LTBP1: variants seen among roughly 807,000 people sequenced by gnomAD.
LTBP1 encodes the protein latent-transforming growth factor beta-binding protein 1.
LTBP1 carries 129 observed loss-of-function variants against 207.6 expected under a neutral mutation model. The observed-to-expected ratio is 0.62, with a 90% CI of 0.54 to 0.72. The LOEUF (loss-of-function observed/expected upper bound fraction) is 0.72. LTBP1 is among the 30% of genes least tolerant of loss of function. LTBP1 has a pLI of 0.00. For synonymous variants in LTBP1, 963 were observed against 833.7 expected, an observed-to-expected ratio of 1.16 and a Z score of -2.67; for missense variants, 2,281 against 2,217.2, an observed-to-expected ratio of 1.03 and a Z score of -0.58.
chr2:33,252,466 G>A (rs542428219), intron 10 of LTBP1, among the ~76,000 whole-genome samples: 33 of 152,270 alleles, frequency 2.2e-4, no homozygotes, highest in Admixed American at 2.0e-3. Context: ...GAGGGACAGG[G>A]ACAATCACTG....
chr2:33,058,841 A>T (rs2077131880), intron 3 of LTBP1, among the ~76,000 whole-genome samples: 1 of 152,220 alleles, frequency 6.6e-6, no homozygotes, highest in Non-Finnish European at 1.5e-5. Context: ...AGGAGAAAAA[A>T]CATTGCCATT....
At chr2:33,211,718 TC>T (rs1282400367) in intron 7 of LTBP1, among the ~76,000 whole-genome samples, 3 of 152,218 alleles carry the variant, frequency 2.0e-5, no homozygotes, top group Admixed American at 2.0e-4. Flanking sequence ...GAAAATTAAA[TC>T]TTATAAAACC....
At chr2:33,380,477 G>C (rs1190649180) in intron 31 of LTBP1, among the ~76,000 whole-genome samples, 1 of 151,760 alleles carries the variant, frequency 6.6e-6, no homozygotes, top group Non-Finnish European at 1.5e-5. Flanking sequence ...TCTGAGGCAG[G>C]AGAATCACTT....
At chr2:33,016,120 A>G (rs1467025342) in intron 2 of LTBP1, among the ~76,000 whole-genome samples, 1 of 152,052 alleles carries the variant, frequency 6.6e-6, no homozygotes, top group African/African-American at 2.4e-5. Context: ...GCTTGAAGGC[A>G]TTGGAGGTTT....
intron 5 of LTBP1, among the ~76,000 whole-genome samples, chr2:33,166,855 A>G (rs115614140): frequency 8.7e-4 from 133 of 152,308 alleles, no homozygotes; most frequent in African/African-American, 3.2e-3. Flanking sequence ...TAGCGTTAGC[A>G]TTTGATTCTG....
intron 3 of LTBP1, among the ~76,000 whole-genome samples, chr2:33,059,575 G>A (rs918483962): frequency 6.6e-6 from 1 of 152,244 alleles, no homozygotes; most frequent in African/African-American, 2.4e-5. Context: ...GACGCTCTCA[G>A]TGTTAGCCTT....
At chr2:33,395,105 A>G (rs1388904062) in intron 32 of LTBP1, among the ~76,000 whole-genome samples, 1 of 152,208 alleles carries the variant, frequency 6.6e-6, no homozygotes, top group African/African-American at 2.4e-5. Flanking sequence ...TACAAGGTAG[A>G]AAAGTGTTCA....
intron 3 of LTBP1, among the ~76,000 whole-genome samples, chr2:33,049,684 T>C (rs1339571002): frequency 1.3e-5 from 2 of 152,242 alleles, no homozygotes; most frequent in African/African-American, 4.8e-5. Flanking sequence ...TGTTTTGTGA[T>C]GTACATATTG....
At chr2:33,315,385 G>A in intron 24 of LTBP1, 116 bp downstream of exon 24, 2 of 1,262,146 alleles carry the variant, frequency 1.6e-6, no homozygotes, top group Non-Finnish European at 2.2e-6. Context: ...GAGCCTCAAA[G>A]CATGTATGCA....
chr2:33,054,718 G>A (rs2076904463), intron 3 of LTBP1, among the ~76,000 whole-genome samples: 2 of 152,176 alleles, frequency 1.3e-5, no homozygotes, highest in African/African-American at 4.8e-5. Context: ...CACTGAGAAG[G>A]CCGCACCAGT....
intron 2 of LTBP1, among the ~76,000 whole-genome samples, chr2:33,016,655 G>A (rs1471310394): frequency 6.6e-6 from 1 of 152,080 alleles, no homozygotes; most frequent in African/African-American, 2.4e-5. Flanking sequence ...CACTCATCGA[G>A]CTGAACCACA....
intron 7 of LTBP1, among the ~76,000 whole-genome samples, chr2:33,215,858 G>C (rs1345983240): frequency 6.6e-6 from 1 of 152,016 alleles, no homozygotes; most frequent in Non-Finnish European, 1.5e-5. Flanking sequence ...TGGGACTAGA[G>C]GCACGCACCA....
chr2:33,220,292 G>C (rs1007408840), intron 8 of LTBP1, among the ~76,000 whole-genome samples: 4 of 152,114 alleles, frequency 2.6e-5, no homozygotes, highest in African/African-American at 9.7e-5. Flanking sequence ...GAAGGAAGCA[G>C]ACTTTCCTTG....
intron 3 of LTBP1, among the ~76,000 whole-genome samples, chr2:33,082,066 A>C (rs1351874932): frequency 2.0e-5 from 3 of 152,172 alleles, no homozygotes; most frequent in African/African-American, 7.2e-5. Context: ...CCACTGCAGC[A>C]GTCTTAAGAG....
At chr2:33,219,454 G>A (rs1197558456) in intron 8 of LTBP1, among the ~76,000 whole-genome samples, 2 of 152,122 alleles carry the variant, frequency 1.3e-5, no homozygotes, top group Non-Finnish European at 2.9e-5. Context: ...CCCTGAGTTC[G>A]ACTCCCAGCT....
At chr2:33,207,998 G>A (rs555128573) in intron 7 of LTBP1, among the ~76,000 whole-genome samples, 8 of 152,330 alleles carry the variant, frequency 5.3e-5, no homozygotes, top group African/African-American at 1.9e-4. Context: ...CCAACAACCT[G>A]TTACATGTAG....
At chr2:33,006,730 A>G (rs900844123) in intron 2 of LTBP1, among the ~76,000 whole-genome samples, 4 of 111,288 alleles carry the variant, frequency 3.6e-5, no homozygotes, top group African/African-American at 1.2e-4. Context: ...TACTGCTTGG[A>G]AAACAGAGCT....
At chr2:33,133,087 G>A (rs1414482524) in intron 4 of LTBP1, among the ~76,000 whole-genome samples, 2 of 152,150 alleles carry the variant, frequency 1.3e-5, no homozygotes, top group East Asian at 3.9e-4. Flanking sequence ...CACTTGATAC[G>A]TGGAATGCAA....
At chr2:33,261,780 A>G (rs932026077) in intron 13 of LTBP1, among the ~76,000 whole-genome samples, 6 of 152,150 alleles carry the variant, frequency 3.9e-5, no homozygotes, top group African/African-American at 1.2e-4. Flanking sequence ...TTGTGCTTGC[A>G]AAGTTGGATT....
Sources: allele counts gnomAD v4.1 joint callset (sites outside exome capture counted in the v4.1 genomes callset), GRCh38; gene constraint gnomAD v4.1.1; transcripts MANE v1.5; gene names NCBI Gene and HGNC (gene_info 2026-07-23, HGNC 2026-07-21).